HTR3B: variants seen among roughly 807,000 people sequenced by gnomAD.
HTR3B encodes the protein 5-hydroxytryptamine receptor 3B.
In HTR3B, 44 loss-of-function variants were observed where a neutral mutation model predicts 42.8. The observed-to-expected ratio is 1.03, with a 90% CI of 0.81 to 1.32. The LOEUF is 1.32. Among genes scored for constraint, HTR3B ranks in the 40% most tolerant of loss-of-function variants. HTR3B has a pLI of 0.00. For synonymous variants in HTR3B, 203 were observed against 209.0 expected (o/e 0.97, Z 0.25); for missense variants, 527 against 536.5 (o/e 0.98, Z 0.17).
At chr11:113,928,353 A>G (rs1285107112) in intron 2 of HTR3B, among the ~76,000 whole-genome samples, 1 of 152,136 alleles carries the variant, frequency 6.6e-6, no homozygotes, top group Non-Finnish European at 1.5e-5. Context: ...CTGTTTACCC[A>G]TTCAACGATA....
chr11:113,907,920 C>T (rs912948674), intron 1 of HTR3B, among the ~76,000 whole-genome samples: 1 of 152,170 alleles, frequency 6.6e-6, no homozygotes, highest in African/African-American at 2.4e-5. Context: ...CCCTGGGGTA[C>T]ACCAGCGAGA....
intron 6 of HTR3B, among the ~76,000 whole-genome samples, chr11:113,939,289 C>A (rs1041743955): frequency 1.3e-5 from 2 of 152,186 alleles, no homozygotes; most frequent in African/African-American, 4.8e-5. Flanking sequence ...CCTTCATTTA[C>A]TGTTGACATC....
chr11:113,928,616 C>A (rs1397147071), intron 2 of HTR3B, among the ~76,000 whole-genome samples: 1 of 152,150 alleles, frequency 6.6e-6, no homozygotes, highest in Non-Finnish European at 1.5e-5. Flanking sequence ...TGGCTCACTG[C>A]AACCTCCACC....
intron 8 of HTR3B, 22 bp from the exon 9 acceptor site, chr11:113,945,880 G>C: frequency 1.3e-6 from 2 of 1,569,544 alleles, no homozygotes; most frequent in Non-Finnish European, 1.8e-6. Flanking sequence ...GCTCACCCAG[G>C]GTGTTTTCCT....
chr11:113,943,206 G>C lies in HTR3B; in HGVS notation c.907+14G>C. On this transcript the variant is annotated intron_variant, in intron 7 of 8. Coordinates refer to ENST00000260191, the MANE Select transcript of HTR3B (RefSeq NM_006028.5). ...CCCCTCTGATTGGTAAGCAGCCTCG[G>C]GGTCACTGGACACTCATCTTACATG... 1.9e-6 allele frequency: 3 copies of C among 1,598,010 alleles called. No individual in the cohort carries two copies. The highest frequency in any genetic ancestry group is 2.6e-6 in the Non-Finnish European group (3 of 1,167,794).
intron 2 of HTR3B, among the ~76,000 whole-genome samples, chr11:113,918,301 C>T (rs1949877178): frequency 7.3e-6 from 1 of 136,588 alleles, no homozygotes; most frequent in Non-Finnish European, 1.5e-5. Context: ...GTGTGTAGTT[C>T]TATGTAATTT....
intron 6 of HTR3B, among the ~76,000 whole-genome samples, chr11:113,939,928 C>G (rs960018964): frequency 1.3e-5 from 2 of 150,474 alleles, no homozygotes; most frequent in African/African-American, 4.9e-5. Context: ...ACTCTGTTGC[C>G]CAGGCTGGAG....
At chr11:113,907,440 G>A (rs1949742319) in intron 1 of HTR3B, among the ~76,000 whole-genome samples, 1 of 152,126 alleles carries the variant, frequency 6.6e-6, no homozygotes, top group African/African-American at 2.4e-5. Flanking sequence ...TGCATTCATA[G>A]TAGAAATGTA....
upstream of HTR3B, among the ~76,000 whole-genome samples, chr11:113,902,043 C>G (rs538575099): frequency 5.3e-5 from 8 of 152,214 alleles, no homozygotes; most frequent in Non-Finnish European, 8.8e-5. Context: ...GATCAGTCCT[C>G]TATGATCTTC....
At chr11:113,944,295 GGCGTGA>G (rs1387597017) in intron 7 of HTR3B, among the ~76,000 whole-genome samples, 36 of 152,154 alleles carry the variant, frequency 2.4e-4, no homozygotes, top group African/African-American at 8.7e-4. Context: ...TGGGATTACA[GGCGTGA>G]GCCACCAAGT....
chr11:113,917,971 C>A (rs535861007), intron 2 of HTR3B, among the ~76,000 whole-genome samples: 38 of 152,270 alleles, frequency 2.5e-4, no homozygotes, highest in African/African-American at 9.1e-4. Context: ...TGATAATATT[C>A]CCTTTTATGA....
rs1949972490 is a variant in HTR3B at position 113,926,411 on chromosome 11, AAT to A, written c.214-4968_214-4967del. 2.0e-5 allele frequency among the ~76,000 whole-genome samples: 3 copies of A among 151,362 alleles called. No homozygotes were observed. The South Asian group carries it at 6.3e-4, about 32-fold the overall frequency. ...AGTAGAATTGTTGCATTATATGATA[AAT>A]ATATGTTTAATCTTTTAAGTAAATA... On this transcript the variant is annotated intron_variant, in intron 2 of 8. Coordinates refer to ENST00000260191, the MANE Select transcript of HTR3B (RefSeq NM_006028.5).
chr11:113,936,190 G>GT (rs1025324569), intron 6 of HTR3B, among the ~76,000 whole-genome samples: 2 of 152,062 alleles, frequency 1.3e-5, no homozygotes, highest in Middle Eastern at 3.2e-3. Context: ...CATGGCAGTG[G>GT]TTTTTTTCTT....
intron 2 of HTR3B, among the ~76,000 whole-genome samples, chr11:113,916,420 C>A (rs1949854854): frequency 6.6e-6 from 1 of 152,132 alleles, no homozygotes; most frequent in Admixed American, 6.5e-5. Flanking sequence ...GTTTGTCTTT[C>A]TAACAATACC....
At position 113,946,019 on chromosome 11, in the gene HTR3B, C is replaced by T; in HGVS notation, c.1208C>T (p.Ala403Val). ...QTQDQTDQQE[A>V]EWLVLLSRFD... ...CAGGACCAGACAGACCAACAGGAGG[C>T]AGAGTGGCTGGTCCTCCTGTCCCGC... Residue 403 changes from alanine to valine, a missense_variant, in exon 9 of 9, where the codon GCA becomes GTA. Physicochemically the swap from Ala to Val is moderately conservative, Grantham distance 64 (BLOSUM62 0). Transcript: ENST00000260191. 6.2e-7 allele frequency: 1 copy of T among 1,613,738 alleles called. No individual in the cohort carries two copies. The highest frequency in any genetic ancestry group is 8.5e-7 in the Non-Finnish European group (1 of 1,179,690).
chr11:113,905,080 C>A, intron 1 of HTR3B, 95 bp downstream of exon 1: 1 of 836,264 alleles, frequency 1.2e-6, no homozygotes, highest in Non-Finnish European at 1.9e-6. Flanking sequence ...ACTTCTCAGG[C>A]ATGTTTGTTT....
At chr11:113,912,617 G>T (rs1314585233) in intron 2 of HTR3B, among the ~76,000 whole-genome samples, 7 of 152,186 alleles carry the variant, frequency 4.6e-5, no homozygotes, top group Admixed American at 4.6e-4. Context: ...ATGAGAAACT[G>T]CCATACTGAT....
rs1455221741 is a variant in HTR3B, at chr11:113,946,900, A to G, written c.*763A>G. 6.6e-6 allele frequency among the ~76,000 whole-genome samples: 1 copy of G among 152,218 alleles called. No homozygotes were observed. Among genetic ancestry groups the G allele is most frequent in the Admixed American group, 6.5e-5 (1 of 15,284 alleles). On this transcript the variant is annotated 3_prime_UTR_variant, in exon 9 of 9. Transcript: ENST00000260191. Reference sequence around the variant, plus strand: ...CATTATGTTAGGCACACCAGAGAATACAAAATAAGTCAGCACAGGTTATTA... The same window carrying G: ...CATTATGTTAGGCACACCAGAGAATGCAAAATAAGTCAGCACAGGTTATTA...
intron 2 of HTR3B, among the ~76,000 whole-genome samples, chr11:113,918,228 T>G (rs1245509155): frequency 6.6e-6 from 1 of 151,638 alleles, no homozygotes; most frequent in East Asian, 2.0e-4. Flanking sequence ...ACTGGTACAA[T>G]CTATAGAGCT....
Sources: allele counts gnomAD v4.1 joint callset (sites outside exome capture counted in the v4.1 genomes callset), GRCh38; gene constraint gnomAD v4.1.1; transcripts MANE v1.5; gene names NCBI Gene and HGNC (gene_info 2026-07-23, HGNC 2026-07-21).